The following ZFAT variants were observed in gnomAD, a reference collection of about 807,000 sequenced individuals.
ZFAT encodes zinc finger and AT-hook domain containing.
Under a neutral mutation model 117.7 loss-of-function variants are expected in ZFAT, and 64 were observed. The observed-to-expected ratio is 0.54, with a 90% confidence interval of 0.44 to 0.67. The LOEUF is 0.67. Among genes scored for constraint, ZFAT ranks in the 30% least tolerant of loss-of-function variants. The pLI is 0.00. For missense variants in ZFAT, 1,433 were observed against 1,584.5 expected (o/e 0.90, Z 1.62); for synonymous variants, 679 against 615.0 (o/e 1.10, Z -1.54).
At position 134,478,594 on chromosome 8, in the gene ZFAT, G is replaced by C; in HGVS notation, c.3620C>G (p.Thr1207Arg). 6.3e-7 allele frequency: 1 copy of C among 1,593,318 alleles called. No homozygotes were observed. Among genetic ancestry groups the C allele is most frequent in the Non-Finnish European group, 8.5e-7 (1 of 1,170,330 alleles). The change falls in exon 16 of 16, where the codon ACG becomes AGG. Residue 1207 changes from threonine to arginine, a missense_variant. By Grantham distance (71) the Thr-to-Arg change is moderately conservative (BLOSUM62 -1). Coordinates refer to ENST00000377838, the MANE Select transcript of ZFAT (RefSeq NM_020863.4). The surrounding 1 kb of genome is among the most constrained non-coding windows in gnomAD (Gnocchi z 5.2). Reference protein sequence around the residue: ...VSSDDVEGIETVTVYTQGGEA... With the variant: ...VSSDDVEGIERVTVYTQGGEA... Reference sequence around the variant, plus strand: ...CCCGCCCTGCGTGTAGACAGTCACCGTCTCAATGCCCTCCACGTCGTCGGA... The same window carrying C: ...CCCGCCCTGCGTGTAGACAGTCACCCTCTCAATGCCCTCCACGTCGTCGGA...
chr8:134,822,282 T>C, the ZFAT span, among the ~76,000 whole-genome samples: 6 of 152,152 alleles, frequency 3.9e-5, no homozygotes, highest in African/African-American at 1.4e-4. Flanking sequence ...GTCACTGGCA[T>C]TGAAAAATGA....
At chr8:134,547,698 C>A (rs1358004141) in intron 11 of ZFAT, among the ~76,000 whole-genome samples, 3 of 152,196 alleles carry the variant, frequency 2.0e-5, no homozygotes, top group African/African-American at 7.2e-5. Flanking sequence ...GTTTGCTGTG[C>A]TCAACATAAG....
chr8:134,707,477 G>A (rs903024728), intron 1 of ZFAT, among the ~76,000 whole-genome samples: 20 of 152,096 alleles, frequency 1.3e-4, no homozygotes, highest in Admixed American at 5.9e-4. Context: ...GCAGAGAAAT[G>A]GTAGCCACTC....
At chr8:134,572,533 C>T (rs929211799) in intron 10 of ZFAT, among the ~76,000 whole-genome samples, 6 of 152,210 alleles carry the variant, frequency 3.9e-5, no homozygotes, top group African/African-American at 9.6e-5. Flanking sequence ...TGACTGGCTA[C>T]GCACTGACTT....
At chr8:134,490,392 C>T (rs1278659429) in intron 15 of ZFAT, among the ~76,000 whole-genome samples, 1 of 152,222 alleles carries the variant, frequency 6.6e-6, no homozygotes, top group Non-Finnish European at 1.5e-5. Flanking sequence ...TGGGTTCAAC[C>T]ACGAAGAGGA....
chr8:134,532,213 T>C (rs552606547), intron 12 of ZFAT, among the ~76,000 whole-genome samples: 2 of 152,362 alleles, frequency 1.3e-5, no homozygotes, highest in African/African-American at 4.8e-5. Flanking sequence ...TTAGTTTAAA[T>C]GTTCTAGAAT....
At chr8:134,533,460 G>A (rs545733739) in intron 11 of ZFAT, among the ~76,000 whole-genome samples, 2 of 152,312 alleles carry the variant, frequency 1.3e-5, no homozygotes, top group South Asian at 2.1e-4. Context: ...GTGCAAGTAC[G>A]CTATACCTTC....
intron 15 of ZFAT, among the ~76,000 whole-genome samples, chr8:134,497,502 G>A (rs1296664268): frequency 1.0e-5 from 1 of 96,184 alleles, no homozygotes. Context: ...GGTTGGGGTG[G>A]AGCCGGGATG....
At chr8:134,573,436 T>C (rs1256620482) in intron 10 of ZFAT, among the ~76,000 whole-genome samples, 1 of 152,184 alleles carries the variant, frequency 6.6e-6, no homozygotes, top group Non-Finnish European at 1.5e-5. Flanking sequence ...TGGCAGTTTG[T>C]AGACTTATGC....
intron 11 of ZFAT, among the ~76,000 whole-genome samples, chr8:134,533,876 A>C (rs986318912): frequency 7.2e-5 from 11 of 152,320 alleles, no homozygotes; most frequent in Admixed American, 1.3e-4. Flanking sequence ...CATCACTGTC[A>C]AATTCCATGC....
At chr8:134,700,889 G>A (rs572490583) in intron 1 of ZFAT, among the ~76,000 whole-genome samples, 86 of 152,162 alleles carry the variant, frequency 5.7e-4, no homozygotes, top group African/African-American at 1.9e-3. Flanking sequence ...AGTTCAAATC[G>A]AGAGACAGGG....
At chr8:134,535,727 G>C (rs994466956) in intron 11 of ZFAT, among the ~76,000 whole-genome samples, 1 of 151,728 alleles carries the variant, frequency 6.6e-6, no homozygotes, top group Non-Finnish European at 1.5e-5. Flanking sequence ...AAAATTTGTC[G>C]GGCTTTCTCA....
the ZFAT span, among the ~76,000 whole-genome samples, chr8:134,739,984 C>T: frequency 6.6e-6 from 1 of 152,204 alleles, no homozygotes; most frequent in Non-Finnish European, 1.5e-5. Context: ...GGAGATAACT[C>T]CAAGGTGAGT....
At chr8:134,657,217 A>G (rs1831661026) in intron 2 of ZFAT, among the ~76,000 whole-genome samples, 1 of 152,206 alleles carries the variant, frequency 6.6e-6, no homozygotes, top group African/African-American at 2.4e-5. Flanking sequence ...CCAGATAAGC[A>G]AAGTGAGGCT....
intron 11 of ZFAT, among the ~76,000 whole-genome samples, chr8:134,557,260 T>G (rs931860180): frequency 5.9e-5 from 9 of 152,156 alleles, no homozygotes; most frequent in African/African-American, 2.2e-4. Context: ...CTGAGGGATA[T>G]TCTATAAAAT....
intron 1 of ZFAT, among the ~76,000 whole-genome samples, chr8:134,671,129 A>G (rs1182840797): frequency 6.6e-6 from 1 of 152,204 alleles, no homozygotes; most frequent in Non-Finnish European, 1.5e-5. Context: ...CCAACCAAAA[A>G]AAGTCCAGGA....
chr8:134,551,276 A>C (rs1823148038), intron 11 of ZFAT, among the ~76,000 whole-genome samples: 1 of 152,244 alleles, frequency 6.6e-6, no homozygotes, highest in Admixed American at 6.5e-5. Flanking sequence ...GCACATTACT[A>C]AAATAGACTG....
rs922540744 is a variant in ZFAT at position 134,584,011 on chromosome 8, A to C, written c.2714-6T>G. The C allele has an allele frequency of 1.9e-6, 3 of 1,552,026 alleles. No individual in the cohort carries two copies. Among genetic ancestry groups the C allele is most frequent in the East Asian group, 2.4e-5 (1 of 41,000 alleles). On this transcript the variant is annotated splice_polypyrimidine_tract_variant and splice_region_variant and intron_variant, in intron 9 of 15. Coordinates refer to ENST00000377838, the MANE Select transcript of ZFAT (RefSeq NM_020863.4). ...ACACTTGAAGGGCTTCACACCTGCC[A>C]AGGGAAAAATGTATATATCTCTATA... is the stretch of plus-strand genomic sequence containing the variant.
At chr8:134,589,670 G>C (rs894021110) in intron 8 of ZFAT, among the ~76,000 whole-genome samples, 6 of 152,162 alleles carry the variant, frequency 3.9e-5, no homozygotes, top group African/African-American at 1.4e-4. Flanking sequence ...GTGCGGGGTG[G>C]ACCCTCGGCC....
Sources: gnomAD v4.1 joint callset for allele counts (sites outside exome capture counted in the v4.1 genomes callset) on GRCh38, gnomAD v4.1.1 for gene constraint, Gnocchi (gnomAD v3.1) non-coding constraint, MANE v1.5 for transcripts, NCBI Gene and HGNC (gene_info 2026-07-23, HGNC 2026-07-21) for gene names.